TBC1D22A: variants seen among roughly 807,000 people sequenced by gnomAD.
The protein encoded by TBC1D22A is TBC1 domain family member 22A, also known as putative GTPase activator.
Under a neutral mutation model 60.2 loss-of-function variants are expected in TBC1D22A, and 38 were observed. The observed-to-expected ratio is 0.63, with a 90% confidence interval of 0.49 to 0.83. TBC1D22A has a LOEUF of 0.83. Among genes scored for constraint, TBC1D22A ranks in the 40% least tolerant of loss-of-function variants. The pLI is 0.00. For missense variants in TBC1D22A, 628 were observed against 701.0 expected, an observed-to-expected ratio of 0.90 and a Z score of 1.18; for synonymous variants, 302 against 281.7, an observed-to-expected ratio of 1.07 and a Z score of -0.72.
intron 4 of TBC1D22A, among the ~76,000 whole-genome samples, chr22:46,836,392 T>C (rs897672510): frequency 6.6e-6 from 1 of 152,176 alleles, no homozygotes; most frequent in African/African-American, 2.4e-5. Flanking sequence ...GTTAAGTTGT[T>C]ATCAGCCTAA....
intron 11 of TBC1D22A, among the ~76,000 whole-genome samples, chr22:47,047,701 C>T (rs990165866): frequency 6.6e-6 from 1 of 152,232 alleles, no homozygotes; most frequent in African/African-American, 2.4e-5. Context: ...CTCAGTTGAC[C>T]TCATCCTTGA....
chr22:46,865,825 CA>C (rs895426743), intron 4 of TBC1D22A, among the ~76,000 whole-genome samples: 18 of 152,018 alleles, frequency 1.2e-4, no homozygotes, highest in African/African-American at 3.9e-4. Flanking sequence ...TTGAAAATGC[CA>C]AAAAAGACCT....
At chr22:47,171,741 C>T (rs559175674) in intron 12 of TBC1D22A, among the ~76,000 whole-genome samples, 8 of 152,052 alleles carry the variant, frequency 5.3e-5, no homozygotes, top group Non-Finnish European at 8.8e-5. Flanking sequence ...GGCTGTCAGG[C>T]GGTGGTCGTG....
chr22:46,972,630 G>A (rs1271479836), intron 8 of TBC1D22A, among the ~76,000 whole-genome samples: 1 of 152,198 alleles, frequency 6.6e-6, no homozygotes, highest in East Asian at 1.9e-4. Flanking sequence ...GTTGCCAGGC[G>A]TGGGGTGGGG....
chr22:47,168,770 C>T (rs556291912), intron 12 of TBC1D22A, among the ~76,000 whole-genome samples: 26 of 150,490 alleles, frequency 1.7e-4, no homozygotes, highest in African/African-American at 5.1e-4. Flanking sequence ...GCCTGGCACG[C>T]GGGGGAGGTC....
At chr22:46,984,547 T>A (rs975554158) in intron 9 of TBC1D22A, among the ~76,000 whole-genome samples, 64 of 152,154 alleles carry the variant, frequency 4.2e-4, no homozygotes, top group African/African-American at 1.5e-3. Context: ...GCTTCCATAT[T>A]TGCCTACCCT....
intron 4 of TBC1D22A, among the ~76,000 whole-genome samples, chr22:46,808,253 G>A (rs2085233433): frequency 6.6e-6 from 1 of 152,068 alleles, no homozygotes; most frequent in Non-Finnish European, 1.5e-5. Context: ...AGCTACTTAG[G>A]AAGCTGAGGC....
chr22:47,024,648 G>A (rs892926443), intron 10 of TBC1D22A, among the ~76,000 whole-genome samples: 3 of 152,108 alleles, frequency 2.0e-5, no homozygotes, highest in Non-Finnish European at 4.4e-5. Context: ...GGGCCTGGGA[G>A]TTTGGAACCA....
chr22:47,029,321 C>A (rs6009110), intron 10 of TBC1D22A, among the ~76,000 whole-genome samples: 51,736 of 151,312 alleles, frequency 0.34, 9,600 homozygotes, highest in African/African-American at 0.48. Flanking sequence ...GGGAACACAG[C>A]GCTTCCATAC....
In TBC1D22A at chr22:46,894,806, T is replaced by C. The variant is rs560814069; in HGVS notation, c.860T>C (p.Met287Thr). The change falls in exon 7 of 13, where the codon ATG becomes ACG. Residue 287 changes from methionine to threonine, a missense_variant. Physicochemically the swap from Met to Thr is moderately conservative, Grantham distance 81. Coordinates refer to ENST00000337137, the MANE Select transcript of TBC1D22A (RefSeq NM_014346.5). ...CAGATCCACATAGACATCCCTCGCATGAGCCCTGAAGCGTTGATCCTGCAG... is the reference window on the plus strand; with the variant it reads ...CAGATCCACATAGACATCCCTCGCACGAGCCCTGAAGCGTTGATCCTGCAG... Reference protein sequence around the residue: ...YRQIHIDIPRMSPEALILQPK... With the variant: ...YRQIHIDIPRTSPEALILQPK... 6.2e-7 allele frequency: 1 copy of C among 1,613,628 alleles called. No individual in the cohort carries two copies. Among genetic ancestry groups the C allele is most frequent in the East Asian group, 2.2e-5 (1 of 44,878 alleles).
intron 12 of TBC1D22A, among the ~76,000 whole-genome samples, chr22:47,140,383 C>A (rs1024404678): frequency 1.5e-4 from 22 of 151,640 alleles, no homozygotes; most frequent in African/African-American, 4.4e-4. Flanking sequence ...CACAGTGAAA[C>A]CCCGTCTCTA....
intron 4 of TBC1D22A, among the ~76,000 whole-genome samples, chr22:46,863,533 C>G (rs898417266): frequency 1.3e-5 from 2 of 152,132 alleles, no homozygotes; most frequent in African/African-American, 2.4e-5. Context: ...ATAAGTTGGT[C>G]TATCTGGTAT....
chr22:47,126,694 C>T (rs539873002), intron 12 of TBC1D22A, among the ~76,000 whole-genome samples: 1 of 152,226 alleles, frequency 6.6e-6, no homozygotes, highest in Non-Finnish European at 1.5e-5. Flanking sequence ...GGCAGGGTGT[C>T]ACCTGCTGGG....
intron 8 of TBC1D22A, among the ~76,000 whole-genome samples, chr22:46,912,625 C>T (rs576750253): frequency 7.2e-5 from 11 of 152,270 alleles, no homozygotes; most frequent in East Asian, 1.9e-4. Flanking sequence ...GGCACGATAT[C>T]GGCTAACTGC....
At chr22:46,941,697 TTATATATGCGGAA>T (rs1000590604) in intron 8 of TBC1D22A, among the ~76,000 whole-genome samples, 2 of 65,092 alleles carry the variant, frequency 3.1e-5, no homozygotes, top group Admixed American at 1.7e-4. Context: ...TATACGCGGA[TTATATATGCGGAA>T]TATATATACG....
At chr22:46,949,532 T>C (rs2072767253) in intron 8 of TBC1D22A, among the ~76,000 whole-genome samples, 1 of 152,204 alleles carries the variant, frequency 6.6e-6, no homozygotes, top group African/African-American at 2.4e-5. Flanking sequence ...ATCTGGGGTA[T>C]GTCTGGCAGT....
intron 12 of TBC1D22A, among the ~76,000 whole-genome samples, chr22:47,147,243 G>A (rs929861366): frequency 2.0e-5 from 3 of 152,218 alleles, no homozygotes; most frequent in African/African-American, 4.8e-5. Flanking sequence ...ACTCGGAGTC[G>A]GTCTGCTTTT....
At chr22:46,782,441 A>G (rs547628813) in intron 1 of TBC1D22A, among the ~76,000 whole-genome samples, 17 of 152,372 alleles carry the variant, frequency 1.1e-4, no homozygotes, top group African/African-American at 4.1e-4. Flanking sequence ...TTCCTGGGAC[A>G]CAATGGGGTC....
At chr22:46,893,421 C>T (rs1464741289) in intron 6 of TBC1D22A, among the ~76,000 whole-genome samples, 1 of 152,136 alleles carries the variant, frequency 6.6e-6, no homozygotes, top group Non-Finnish European at 1.5e-5. Flanking sequence ...AATGTTGGAG[C>T]CTCTCCTGAC....
Sources: gnomAD v4.1 joint callset for allele counts (sites outside exome capture counted in the v4.1 genomes callset) on GRCh38, gnomAD v4.1.1 for gene constraint, MANE v1.5 for transcripts, NCBI Gene and HGNC (gene_info 2026-07-23, HGNC 2026-07-21) for gene names.